CELF2: variants seen among roughly 807,000 people sequenced by gnomAD.
CELF2 encodes the protein CUGBP Elav-like family member 2.
A neutral mutation model predicts 62.6 loss-of-function variants in CELF2; 8 were observed. The observed-to-expected ratio is 0.13, with a 90% CI of 0.07 to 0.23. The LOEUF is 0.23. CELF2 is among the 10% of genes least tolerant of loss of function. CELF2 has a pLI of 1.00. For missense variants in CELF2, 333 were observed against 671.0 expected, an observed-to-expected ratio of 0.50 and a Z score of 5.56; for synonymous variants, 258 against 250.0, an observed-to-expected ratio of 1.03 and a Z score of -0.30.
At chr10:11,201,607 G>C (rs1387454978) in intron 2 of CELF2, among the ~76,000 whole-genome samples, 1 of 152,210 alleles carries the variant, frequency 6.6e-6, no homozygotes, top group Non-Finnish European at 1.5e-5. Context: ...CATGAGCTCT[G>C]TTCCAGTGTT....
rs571164424 is a variant in CELF2, at chr10:11,215,275, A to G, written c.272-2150A>G. Among the ~76,000 whole-genome samples, 14 of 152,324 alleles carry G rather than the reference A, an allele frequency of 9.2e-5. No individual in the cohort carries two copies. The East Asian group carries it at 2.3e-3, about 25-fold the overall frequency. On this transcript the variant is annotated intron_variant, in intron 2 of 12. Coordinates refer to ENST00000633077, the MANE Select transcript of CELF2 (RefSeq NM_001326342.2). ...CCCTGAGACCACTGTATGTTGGTCA[A>G]AGCTCTCCACAGCTGGCTCACACAG...
chr10:11,225,741 AT>A (rs1014925927), intron 3 of CELF2, among the ~76,000 whole-genome samples: 11 of 152,190 alleles, frequency 7.2e-5, no homozygotes, highest in African/African-American at 2.7e-4. Context: ...ATTTAACCTA[AT>A]GAGGTTTCAG....
chr10:11,293,595 C>T (rs2092796820), intron 9 of CELF2, among the ~76,000 whole-genome samples: 1 of 152,194 alleles, frequency 6.6e-6, no homozygotes, highest in African/African-American at 2.4e-5. Flanking sequence ...GACGTCACCC[C>T]TCTCCTGTGC....
chr10:10,966,131 G>C (rs1447033642), intron 2 of CELF2, among the ~76,000 whole-genome samples: 1 of 152,204 alleles, frequency 6.6e-6, no homozygotes, highest in African/African-American at 2.4e-5. Flanking sequence ...GGTGAGTTTT[G>C]GTTTACACAC....
the CELF2 span, among the ~76,000 whole-genome samples, chr10:10,562,222 C>T: frequency 2.6e-5 from 4 of 152,192 alleles, no homozygotes; most frequent in East Asian, 5.8e-4. Flanking sequence ...ACTTTTCTCT[C>T]CATCTCCACT....
At chr10:10,851,853 C>T (rs1469956224) in intron 1 of CELF2, among the ~76,000 whole-genome samples, 2 of 152,140 alleles carry the variant, frequency 1.3e-5, no homozygotes, top group Admixed American at 6.6e-5. Context: ...TAAAGAGATT[C>T]CTAACAGCAT....
At chr10:11,233,290 G>C (rs2069585006) in intron 3 of CELF2, among the ~76,000 whole-genome samples, 1 of 152,174 alleles carries the variant, frequency 6.6e-6, no homozygotes, top group South Asian at 2.1e-4. Flanking sequence ...AACAAACGCT[G>C]TCTCCTAAGT....
At chr10:10,579,634 T>A in the CELF2 span, among the ~76,000 whole-genome samples, 1 of 151,980 alleles carries the variant, frequency 6.6e-6, no homozygotes, top group African/African-American at 2.4e-5. Flanking sequence ...AGGATAAACA[T>A]AGACAGTCCC....
At chr10:10,572,822 C>A in the CELF2 span, among the ~76,000 whole-genome samples, 2 of 152,068 alleles carry the variant, frequency 1.3e-5, no homozygotes, top group African/African-American at 4.8e-5. Flanking sequence ...AATGAACATA[C>A]GTGTACATGT....
intron 2 of CELF2, among the ~76,000 whole-genome samples, chr10:11,216,733 G>C (rs2063460159): frequency 6.6e-6 from 1 of 152,216 alleles, no homozygotes; most frequent in African/African-American, 2.4e-5. Flanking sequence ...TCTTTGGAAA[G>C]GAGGAATCAA....
rs980869190 is a variant in CELF2, at chr10:11,306,097, A to G, written c.977-8042A>G. Among the ~76,000 whole-genome samples the G allele has an allele frequency of 1.1e-4, 17 of 152,142 alleles. No individual in the cohort carries two copies. Among genetic ancestry groups the G allele is most frequent in the African/African-American group, 3.9e-4 (16 of 41,430 alleles). ...AGTGGTACAACAGGCTTAAAATGTG[A>G]CGTATCCAAGTTATTGCAGCCACTG... is the stretch of plus-strand genomic sequence containing the variant. On this transcript the variant is annotated intron_variant, in intron 9 of 12. Coordinates refer to ENST00000633077, the MANE Select transcript of CELF2 (RefSeq NM_001326342.2). The surrounding 1 kb of genome is among the most constrained non-coding windows in gnomAD (Gnocchi z 4.4).
At chr10:10,637,913 T>C in the CELF2 span, among the ~76,000 whole-genome samples, 1 of 152,118 alleles carries the variant, frequency 6.6e-6, no homozygotes, top group East Asian at 1.9e-4. Context: ...CAAGGTTCAG[T>C]GATAGTTAAA....
intron 5 of CELF2, among the ~76,000 whole-genome samples, chr10:11,259,812 A>G (rs541099856): frequency 7.2e-5 from 11 of 152,376 alleles, no homozygotes; most frequent in African/African-American, 2.6e-4. Flanking sequence ...GAGGGAGAAT[A>G]CCATGGGAAA....
the CELF2 span, among the ~76,000 whole-genome samples, chr10:10,777,515 G>A: frequency 2.6e-5 from 4 of 151,986 alleles, no homozygotes; most frequent in Non-Finnish European, 5.9e-5. Context: ...CAGCCTTCGC[G>A]ACATCTTTCT....
In CELF2 at chr10:11,311,807, G is replaced by C. The variant is rs2094575030; in HGVS notation, c.977-2332G>C. Among the ~76,000 whole-genome samples, 1 of 152,050 alleles carries C rather than the reference G, an allele frequency of 6.6e-6. No individual in the cohort carries two copies. On this transcript the variant is annotated intron_variant, in intron 9 of 12. Transcript: ENST00000633077. This position sits in a 1 kb window ranked among gnomAD's most constrained non-coding sequence, Gnocchi z 4.7. The stretch of plus-strand genomic sequence containing the variant: ...CAGAATATGAGAGGTGAAGTGACAT[G>C]GAATAGATCTAACTTAGGTCTAGCT...
the CELF2 span, among the ~76,000 whole-genome samples, chr10:10,685,431 C>G: frequency 1.3e-5 from 2 of 152,158 alleles, no homozygotes; most frequent in African/African-American, 4.8e-5. Context: ...TCACTTTTAT[C>G]ATTTCATTTT....
Position 10,972,877 on chromosome 10 carries a change from A to G in CELF2, c.89+52878A>G, listed in dbSNP as rs2050903385. On this transcript the variant is annotated intron_variant, in intron 2 of 13. Coordinates refer to the CELF2 transcript ENST00000636488. This position sits in a 1 kb window ranked among gnomAD's most constrained non-coding sequence, Gnocchi z 4.4. The stretch of plus-strand genomic sequence containing the variant: ...GATTTTGCCTGTGTCTTCCCTCCCT[A>G]CATCATCAGCACTACAACGAAGGCA... Among the ~76,000 whole-genome samples the G allele has an allele frequency of 6.6e-6, 1 of 152,158 alleles. No homozygotes were observed. The highest frequency in any genetic ancestry group is 1.5e-5 in the Non-Finnish European group (1 of 68,030).
chr10:11,190,284 G>A (rs1318275334), intron 2 of CELF2, among the ~76,000 whole-genome samples: 1 of 151,968 alleles, frequency 6.6e-6, no homozygotes, highest in Non-Finnish European at 1.5e-5. Flanking sequence ...TGGCAGTCTT[G>A]GGAATGAACA....
the CELF2 span, among the ~76,000 whole-genome samples, chr10:10,635,745 G>A: frequency 1.3e-5 from 2 of 152,226 alleles, no homozygotes; most frequent in East Asian, 3.9e-4. Context: ...TGGCTGTGAG[G>A]GAAGTGATCC....
Sources: allele counts gnomAD v4.1 joint callset (sites outside exome capture counted in the v4.1 genomes callset), GRCh38; gene constraint gnomAD v4.1.1; non-coding constraint Gnocchi (gnomAD v3.1); transcripts MANE v1.5; gene names NCBI Gene and HGNC (gene_info 2026-07-23, HGNC 2026-07-21).